RHOA: variants seen among roughly 807,000 people sequenced by gnomAD.
RHOA encodes the protein transforming protein RhoA.
RHOA carries 3 observed loss-of-function variants against 17.5 expected under a neutral mutation model. The observed-to-expected ratio is 0.17, with a 90% CI of 0.08 to 0.44. The LOEUF is 0.44. Among genes scored for constraint, RHOA ranks in the 20% least tolerant of loss-of-function variants. The pLI is 0.99. For synonymous variants in RHOA, 98 were observed against 88.4 expected (o/e 1.11, Z -0.61); for missense variants, 56 against 242.3 (o/e 0.23, Z 5.10).
chr3:49,375,125 G>A (rs2048205755), intron 2 of RHOA, among the ~76,000 whole-genome samples: 1 of 151,894 alleles, frequency 6.6e-6, no homozygotes, highest in African/African-American at 2.4e-5. Context: ...TCAGCATGGT[G>A]GCAACATGCC....
intron 1 of RHOA, among the ~76,000 whole-genome samples, chr3:49,395,343 A>C (rs1183391308): frequency 6.6e-6 from 1 of 152,154 alleles, no homozygotes; most frequent in Non-Finnish European, 1.5e-5. Flanking sequence ...TATGTCATGC[A>C]GAGCAATCTG....
At chr3:49,400,087 T>C (rs1478160122) in intron 1 of RHOA, among the ~76,000 whole-genome samples, 1 of 151,220 alleles carries the variant, frequency 6.6e-6, no homozygotes, top group Non-Finnish European at 1.5e-5. Context: ...TGGCACGTGC[T>C]TGTAATCCCA....
At chr3:49,391,209 C>A (rs2048497225) in intron 1 of RHOA, among the ~76,000 whole-genome samples, 1 of 131,456 alleles carries the variant, frequency 7.6e-6, no homozygotes, top group African/African-American at 2.7e-5. Context: ...CAGAGCAACG[C>A]CGTCTCAAAA....
chr3:49,386,204 G>A (rs2048392346), intron 1 of RHOA, among the ~76,000 whole-genome samples: 1 of 151,282 alleles, frequency 6.6e-6, no homozygotes, highest in Non-Finnish European at 1.5e-5. Flanking sequence ...TCTGACATAT[G>A]AACATGGACG....
chr3:49,372,753 AG>A (rs1205810918), intron 2 of RHOA, among the ~76,000 whole-genome samples: 2 of 150,264 alleles, frequency 1.3e-5, no homozygotes, highest in African/African-American at 4.9e-5. Flanking sequence ...AAAAAAAAAA[AG>A]GACTACAAAC....
At chr3:49,399,092 G>A (rs1487503618) in intron 1 of RHOA, among the ~76,000 whole-genome samples, 2 of 110,640 alleles carry the variant, frequency 1.8e-5, no homozygotes, top group South Asian at 6.8e-4. Flanking sequence ...AAAAAAGGCT[G>A]GGCACGGTGG....
At chr3:49,383,845 C>CA (rs1416801894) in intron 1 of RHOA, among the ~76,000 whole-genome samples, 1 of 152,126 alleles carries the variant, frequency 6.6e-6, no homozygotes, top group Non-Finnish European at 1.5e-5. Context: ...GCCTGGCAAA[C>CA]ATGGCAAAAC....
intron 1 of RHOA, among the ~76,000 whole-genome samples, chr3:49,379,226 C>A (rs2048279487): frequency 6.6e-6 from 1 of 152,006 alleles, no homozygotes; most frequent in Non-Finnish European, 1.5e-5. Context: ...CTGATATATG[C>A]TATAGTATGG....
At chr3:49,362,048 A>G (rs1424654881) in intron 4 of RHOA, among the ~76,000 whole-genome samples, 1 of 151,688 alleles carries the variant, frequency 6.6e-6, no homozygotes. Context: ...TTAGCCGGTC[A>G]TGGTGGAGGG....
intron 1 of RHOA, among the ~76,000 whole-genome samples, chr3:49,394,919 A>C (rs770902126): frequency 1.3e-5 from 2 of 152,124 alleles, no homozygotes; most frequent in Non-Finnish European, 2.9e-5. Context: ...TAAGGTGAGG[A>C]AACAGCTTGA....
chr3:49,361,271 C>T (rs1036276491), intron 4 of RHOA, among the ~76,000 whole-genome samples: 5 of 152,094 alleles, frequency 3.3e-5, no homozygotes, highest in African/African-American at 1.2e-4. Flanking sequence ...GCTACCAATC[C>T]AGGACTAAAT....
intron 1 of RHOA, among the ~76,000 whole-genome samples, chr3:49,381,770 C>G (rs1198255822): frequency 6.6e-6 from 1 of 150,816 alleles, no homozygotes; most frequent in Non-Finnish European, 1.5e-5. Context: ...GAGGCTGAGG[C>G]AGGAGAATCA....
intron 1 of RHOA, among the ~76,000 whole-genome samples, chr3:49,386,902 C>A: frequency 6.9e-6 from 1 of 145,492 alleles, no homozygotes. Flanking sequence ...CACCTGACGT[C>A]AGGAAATCGA....
At chr3:49,379,080 C>A (rs2048277280) in intron 1 of RHOA, among the ~76,000 whole-genome samples, 1 of 152,060 alleles carries the variant, frequency 6.6e-6, no homozygotes, top group Non-Finnish European at 1.5e-5. Flanking sequence ...ACTTGTACCT[C>A]TACATGAATA....
intron 1 of RHOA, among the ~76,000 whole-genome samples, chr3:49,397,657 C>A: frequency 6.6e-6 from 1 of 152,062 alleles, no homozygotes; most frequent in East Asian, 1.9e-4. Flanking sequence ...GTATTAAGAT[C>A]TGACCAACAG....
At chr3:49,411,577 C>T (rs1466573420) in intron 1 of RHOA, among the ~76,000 whole-genome samples, 3 of 151,912 alleles carry the variant, frequency 2.0e-5, no homozygotes, top group South Asian at 4.1e-4. Flanking sequence ...CCAGGCCCGG[C>T]CGGGCGGGGG....
rs142311693 is a variant in RHOA, at chr3:49,392,841, T to C, written c.-2-17250A>G. Among the ~76,000 whole-genome samples the C allele has an allele frequency of 6.4e-4, 97 of 152,238 alleles. No homozygotes were observed. In the East Asian group the frequency reaches 0.017, roughly 27 times the overall value. Reference sequence around the variant, plus strand: ...GGTCAAAGAAGACATATCCACAATTTAATGTCACAAATTTTTCCAGAAAAT... The same window carrying C: ...GGTCAAAGAAGACATATCCACAATTCAATGTCACAAATTTTTCCAGAAAAT... On this transcript the variant is annotated intron_variant, in intron 1 of 4. Transcript: ENST00000418115.
intron 1 of RHOA, among the ~76,000 whole-genome samples, chr3:49,390,670 C>T (rs1027479936): frequency 3.9e-5 from 6 of 152,086 alleles, no homozygotes; most frequent in African/African-American, 1.4e-4. Context: ...TGGAAAAACA[C>T]GTGGCTTAAT....
intron 3 of RHOA, among the ~76,000 whole-genome samples, chr3:49,367,287 G>A (rs1475846473): frequency 7.3e-6 from 1 of 136,400 alleles, no homozygotes; most frequent in East Asian, 2.5e-4. Flanking sequence ...AGCTTGCAGT[G>A]AGCTGAGATC....
Sources: allele counts gnomAD v4.1 joint callset (sites outside exome capture counted in the v4.1 genomes callset), GRCh38; gene constraint gnomAD v4.1.1; transcripts MANE v1.5; gene names NCBI Gene and HGNC (gene_info 2026-07-23, HGNC 2026-07-21).